Variants in MAML3 observed in about 807,000 individuals in gnomAD.
The protein encoded by MAML3 is mastermind-like protein 3.
MAML3 carries 27 observed loss-of-function variants against 101.9 expected under a neutral mutation model. The observed-to-expected ratio is 0.27, with a 90% CI of 0.20 to 0.37. MAML3 has a LOEUF of 0.37. MAML3 is among the 10% of genes least tolerant of loss of function. The pLI, the probability that MAML3 is intolerant of heterozygous loss-of-function variation, is 1.00. For synonymous variants in MAML3, 501 were observed against 555.9 expected (o/e 0.90, Z 1.39); for missense variants, 1,316 against 1,444.9 (o/e 0.91, Z 1.45).
intron 2 of MAML3, among the ~76,000 whole-genome samples, chr4:139,744,667 G>A (rs1729266174): frequency 6.6e-6 from 1 of 152,318 alleles, no homozygotes; most frequent in East Asian, 1.9e-4. Flanking sequence ...AATGGCAGGG[G>A]CTATGGTGGG....
At chr4:139,915,812 G>T (rs1219935017) in intron 1 of MAML3, among the ~76,000 whole-genome samples, 1 of 152,066 alleles carries the variant, frequency 6.6e-6, no homozygotes, top group African/African-American at 2.4e-5. Context: ...GTGATGAGGG[G>T]TAGGGATGGG....
At chr4:139,849,073 T>C (rs1376864557) in intron 2 of MAML3, among the ~76,000 whole-genome samples, 1 of 152,226 alleles carries the variant, frequency 6.6e-6, no homozygotes, top group Non-Finnish European at 1.5e-5. Flanking sequence ...TCCTGACATA[T>C]ATATTTAAAC....
At chr4:139,787,214 A>G (rs1730322648) in intron 2 of MAML3, among the ~76,000 whole-genome samples, 2 of 152,202 alleles carry the variant, frequency 1.3e-5, no homozygotes, top group South Asian at 4.1e-4. Flanking sequence ...TCTCAGCTGA[A>G]CAGACATAAA....
chr4:139,773,215 T>G (rs1242050897), intron 2 of MAML3, among the ~76,000 whole-genome samples: 2 of 152,048 alleles, frequency 1.3e-5, no homozygotes, highest in African/African-American at 2.4e-5. Flanking sequence ...CATACGCTCA[T>G]GAAGACAAAC....
At chr4:139,876,554 G>A (rs181051963) in intron 2 of MAML3, among the ~76,000 whole-genome samples, 20 of 152,272 alleles carry the variant, frequency 1.3e-4, no homozygotes, top group Non-Finnish European at 2.4e-4. Context: ...CCTTCTATTC[G>A]CAGGCTTTGA....
chr4:140,127,516 C>T (rs1372559699), intron 1 of MAML3, among the ~76,000 whole-genome samples: 1 of 152,198 alleles, frequency 6.6e-6, no homozygotes, highest in Non-Finnish European at 1.5e-5. Context: ...GTATAGAGAG[C>T]CAGCAAAAGC....
Position 140,069,558 on chromosome 4 carries a change from GGGA to G in MAML3, c.468+83299_468+83301del, listed in dbSNP as rs1333779646. On this transcript the variant is annotated intron_variant, in intron 1 of 4. Coordinates refer to ENST00000509479, the MANE Select transcript of MAML3 (RefSeq NM_018717.5). ...AAGGAAGAAGAAGGAGGAGGAGGAG[GGGA>G]GGAGGAGGAGGGGAGGAGGAGGAGG... 1.7e-3 allele frequency among the ~76,000 whole-genome samples: 171 copies of G among 99,176 alleles called. 4 individuals carry two copies. Among genetic ancestry groups the G allele is most frequent in the African/African-American group, 2.4e-3 (53 of 21,962 alleles). 65.1% of individuals were successfully genotyped at this position (99,176 alleles called of 152,430 possible). A position where few individuals can be genotyped will look rare whatever the true frequency, so the allele number is the denominator to read the frequency against.
rs775901250 is a variant in MAML3, at chr4:139,730,645, G to A, written c.2102C>T (p.Pro701Leu). Reference protein sequence around the residue: ...HGQEQHPVGLPRTTGPMQSSV... With the variant: ...HGQEQHPVGLLRTTGPMQSSV... ...GGACTGCATGGGGCCTGTGGTTCGG[G>A]GAAGTCCAACTGGATGCTGCTCCTG... Residue 701 changes from proline (P) to leucine (L), a missense_variant, in exon 3 of 5, where the codon CCC (proline) becomes CTC (leucine). Transcript: ENST00000509479. 6.8e-6 allele frequency: 11 copies of A among 1,612,860 alleles called. No individual in the cohort carries two copies. In the East Asian group the frequency reaches 2.0e-4, roughly 29 times the overall value.
chr4:140,153,389 T>A lies in MAML3; in HGVS notation c.-62A>T. On this transcript the variant is annotated 5_prime_UTR_variant, in exon 1 of 5. Transcript: ENST00000509479. ...TTTATCCACCCCCCTATCAGCCTCC[T>A]CCTTGGGTCCAAGGATTAAAATAGT... is the stretch of plus-strand genomic sequence containing the variant. 2 of 1,473,998 alleles carry A rather than the reference T, an allele frequency of 1.4e-6. No homozygotes were observed. The highest frequency in any genetic ancestry group is 1.8e-6 in the Non-Finnish European group (2 of 1,112,108). 91.3% of individuals were successfully genotyped at this position (1,473,998 alleles called of 1,614,324 possible). A position where few individuals can be genotyped will look rare whatever the true frequency, so the allele number is the denominator to read the frequency against.
rs554172020 is a variant in MAML3, at chr4:139,739,642, T to A, written c.2080-8975A>T. Among the ~76,000 whole-genome samples the A allele has an allele frequency of 5.4e-5, 8 of 147,698 alleles. No individual in the cohort carries two copies. In the South Asian group the frequency reaches 1.7e-3, roughly 32 times the overall value. On this transcript the variant is annotated intron_variant, in intron 2 of 4. Transcript: ENST00000509479. ...CTATCTAATCACATAGGAAAAAGCT[T>A]ACCATATATAGTTAAGAAAGGCAGG... is the stretch of plus-strand genomic sequence containing the variant.
chr4:139,794,459 G>A (rs1730475903), intron 2 of MAML3: 1 of 152,192 alleles, frequency 6.6e-6, no homozygotes, highest in South Asian at 2.1e-4. Context: ...TGGATACCAG[G>A]TGCCTTACTG....
At chr4:139,957,375 C>T (rs1405252832) in intron 1 of MAML3, among the ~76,000 whole-genome samples, 1 of 152,140 alleles carries the variant, frequency 6.6e-6, no homozygotes, top group Non-Finnish European at 1.5e-5. Flanking sequence ...CCAGGCTCTG[C>T]TAGACTAAAG....
intron 2 of MAML3, among the ~76,000 whole-genome samples, chr4:139,773,032 T>C (rs1730026925): frequency 1.3e-5 from 2 of 152,156 alleles, no homozygotes; most frequent in Non-Finnish European, 2.9e-5. Context: ...AGCTTTAATA[T>C]ATCAAGTATT....
At chr4:140,039,656 T>TC (rs1727048555) in intron 1 of MAML3, among the ~76,000 whole-genome samples, 1 of 152,130 alleles carries the variant, frequency 6.6e-6, no homozygotes, top group South Asian at 2.1e-4. Context: ...TCTCTGTATT[T>TC]CATACTGCCC....
chr4:140,152,341 C>A (rs558942704), intron 1 of MAML3, among the ~76,000 whole-genome samples: 68 of 152,336 alleles, frequency 4.5e-4, no homozygotes, highest in Non-Finnish European at 9.0e-4. Context: ...CCGCTTCCCC[C>A]CTAGGGGTTG....
intron 1 of MAML3, among the ~76,000 whole-genome samples, chr4:139,942,283 A>G (rs1027860182): frequency 6.6e-6 from 1 of 152,194 alleles, no homozygotes; most frequent in African/African-American, 2.4e-5. Context: ...AGATTTTATT[A>G]CATTAATAGC....
intron 1 of MAML3, among the ~76,000 whole-genome samples, chr4:140,073,742 C>T (rs571681735): frequency 6.6e-6 from 1 of 152,118 alleles, no homozygotes; most frequent in Non-Finnish European, 1.5e-5. Flanking sequence ...CATTTTAGTG[C>T]CTTGATTGGA....
At chr4:139,957,517 A>G (rs1733935446) in intron 1 of MAML3, among the ~76,000 whole-genome samples, 1 of 152,246 alleles carries the variant, frequency 6.6e-6, no homozygotes, top group African/African-American at 2.4e-5. Context: ...AAAACAACCC[A>G]TCTAAATACA....
chr4:139,919,825 T>C (rs998227040), intron 1 of MAML3, among the ~76,000 whole-genome samples: 3 of 152,194 alleles, frequency 2.0e-5, no homozygotes, highest in African/African-American at 7.2e-5. Context: ...GAGGCAGACT[T>C]TTCTTCTATT....
Sources: gnomAD v4.1 joint callset for allele counts (sites outside exome capture counted in the v4.1 genomes callset) on GRCh38, gnomAD v4.1.1 for gene constraint, MANE v1.5 for transcripts, NCBI Gene and HGNC (gene_info 2026-07-23, HGNC 2026-07-21) for gene names.